Variants in GRM5 observed in about 807,000 individuals in gnomAD.
GRM5 encodes metabotropic glutamate receptor 5.
GRM5 carries 19 observed loss-of-function variants against 83.1 expected under a neutral mutation model. The observed-to-expected ratio is 0.23, with a 90% confidence interval of 0.16 to 0.34. The LOEUF is 0.34. Among genes scored for constraint, GRM5 ranks in the 10% least tolerant of loss-of-function variants. The pLI is 1.00. For missense variants in GRM5, 1,160 were observed against 1,588.3 expected, an observed-to-expected ratio of 0.73 and a Z score of 4.58; for synonymous variants, 675 against 633.6, an observed-to-expected ratio of 1.07 and a Z score of -0.98.
intron 3 of GRM5, among the ~76,000 whole-genome samples, chr11:88,805,734 T>A (rs1943488422): frequency 1.3e-5 from 2 of 152,184 alleles, no homozygotes; most frequent in South Asian, 2.1e-4. Context: ...CTTCCTTTTG[T>A]TCTCAGTGAT....
At chr11:88,536,709 AAC>A (rs1173751419) in intron 8 of GRM5, among the ~76,000 whole-genome samples, 5 of 152,166 alleles carry the variant, frequency 3.3e-5, no homozygotes, top group African/African-American at 1.2e-4. Context: ...ATCACCCAGA[AAC>A]ACAGTTTATA....
At chr11:88,801,658 G>T (rs1488702915) in intron 3 of GRM5, among the ~76,000 whole-genome samples, 3 of 152,056 alleles carry the variant, frequency 2.0e-5, no homozygotes, top group African/African-American at 7.2e-5. Flanking sequence ...GGACAATGTG[G>T]GAGGCATAGG....
At chr11:89,065,178 T>G (rs1325713336) in intron 1 of GRM5, among the ~76,000 whole-genome samples, 1 of 151,314 alleles carries the variant, frequency 6.6e-6, no homozygotes, top group Non-Finnish European at 1.5e-5. Flanking sequence ...CTTTTTGGGG[T>G]GAAGCACCAG....
chr11:88,565,187 C>T (rs1504096), intron 8 of GRM5, among the ~76,000 whole-genome samples: 3,793 of 152,300 alleles, frequency 0.025, 224 homozygotes, highest in Admixed American at 0.14. Flanking sequence ...TCTGCACCTG[C>T]TAAGTGATGC....
chr11:88,615,892 G>C (rs35307898), intron 4 of GRM5, among the ~76,000 whole-genome samples: 18,032 of 152,086 alleles, frequency 0.12, 1,420 homozygotes, highest in Non-Finnish European at 0.18. Flanking sequence ...ATGGCTGAAG[G>C]GGGTGAATAT....
At chr11:88,861,448 ATTAAG>A (rs1944560651) in intron 2 of GRM5, among the ~76,000 whole-genome samples, 1 of 136,708 alleles carries the variant, frequency 7.3e-6, no homozygotes, top group East Asian at 2.3e-4. Context: ...AATTCTCTAA[ATTAAG>A]TTTTTATTGT....
At chr11:88,994,448 TATATATATA>T (rs1565326508) in intron 2 of GRM5, among the ~76,000 whole-genome samples, 57 of 17,170 alleles carry the variant, frequency 3.3e-3, no homozygotes, top group East Asian at 0.021. Flanking sequence ...TAACTGATTA[TATATATATA>T]TATATATATA....
Position 88,832,869 on chromosome 11 carries a change from A to T in GRM5, c.911+17037T>A, listed in dbSNP as rs141046787. Among the ~76,000 whole-genome samples the T allele has an allele frequency of 4.5e-3, 683 of 151,968 alleles. 4 individuals carry two copies. The highest frequency in any genetic ancestry group is 0.016 in the African/African-American group (650 of 41,294). On this transcript the variant is annotated intron_variant, in intron 3 of 9. Transcript: ENST00000305447. ...TGTCAAGAATATTCAATGAGGAAAG[A>T]ACATCCTTTTCAATAAATAGTGCTG...
rs367638220 is a variant in GRM5 at position 88,895,123 on chromosome 11, T to C, written c.662-44968A>G. Among the ~76,000 whole-genome samples the C allele has an allele frequency of 3.9e-5, 6 of 152,046 alleles. No individual in the cohort carries two copies. In the East Asian group the frequency reaches 5.8e-4, roughly 15 times the overall value. On this transcript the variant is annotated intron_variant, in intron 2 of 9. Coordinates refer to ENST00000305447, the MANE Select transcript of GRM5 (RefSeq NM_001143831.3). Reference sequence around the variant, plus strand: ...GCAGACTGATAAATTGAGATATATATTGTAAGCCCTATTGAAACAATTAAG... The same window carrying C: ...GCAGACTGATAAATTGAGATATATACTGTAAGCCCTATTGAAACAATTAAG...
At chr11:88,695,470 GGC>G (rs1940879818) in intron 3 of GRM5, among the ~76,000 whole-genome samples, 1 of 152,134 alleles carries the variant, frequency 6.6e-6, no homozygotes, top group African/African-American at 2.4e-5. Context: ...TGCTTTGAAT[GGC>G]CTCAGGTCAG....
chr11:88,917,421 A>G (rs1945613785), intron 2 of GRM5, among the ~76,000 whole-genome samples: 1 of 152,184 alleles, frequency 6.6e-6, no homozygotes, highest in Non-Finnish European at 1.5e-5. Context: ...CTAGTTTTTC[A>G]ATGTCCAGAC....
rs185782452 is a variant in GRM5, at chr11:88,920,464, A to G, written c.662-70309T>C. On this transcript the variant is annotated intron_variant, in intron 2 of 9. Coordinates refer to ENST00000305447, the MANE Select transcript of GRM5 (RefSeq NM_001143831.3). The stretch of plus-strand genomic sequence containing the variant: ...AAAAACCTCAGGGCCCACTGGATTT[A>G]TTGCTAAATTCTACCAAACACTTAT... 8.9e-4 allele frequency among the ~76,000 whole-genome samples: 133 copies of G among 149,048 alleles called. 1 individual carries two copies. Among genetic ancestry groups the G allele is most frequent in the African/African-American group, 3.0e-3 (122 of 40,688 alleles).
chr11:88,536,437 G>C (rs1942136868), intron 8 of GRM5, among the ~76,000 whole-genome samples: 1 of 152,138 alleles, frequency 6.6e-6, no homozygotes, highest in Non-Finnish European at 1.5e-5. Flanking sequence ...AAATTTTGGA[G>C]CCAGTTTTTA....
intron 3 of GRM5, among the ~76,000 whole-genome samples, chr11:88,684,531 G>A (rs1940572208): frequency 1.3e-5 from 2 of 152,228 alleles, no homozygotes; most frequent in Admixed American, 6.5e-5. Flanking sequence ...AGCAAAGGGT[G>A]AGCTTAAGGT....
chr11:88,798,805 CAAAA>C (rs4002396), intron 3 of GRM5, among the ~76,000 whole-genome samples: 1 of 55,400 alleles, frequency 1.8e-5, no homozygotes, highest in Non-Finnish European at 3.2e-5. Context: ...ATGAAAACAC[CAAAA>C]AAAAAAAAAA....
chr11:88,852,577 A>C (rs1325380910), intron 2 of GRM5, among the ~76,000 whole-genome samples: 1 of 152,110 alleles, frequency 6.6e-6, no homozygotes, highest in East Asian at 1.9e-4. Context: ...TTATTTTCCC[A>C]GAGCAAATCC....
chr11:88,997,994 T>G (rs1940246879), intron 2 of GRM5, among the ~76,000 whole-genome samples: 1 of 150,236 alleles, frequency 6.7e-6, no homozygotes, highest in South Asian at 2.1e-4. Flanking sequence ...AAGAAAGTAT[T>G]CCCTGGTATG....
At chr11:88,899,338 C>A (rs1945282013) in intron 2 of GRM5, among the ~76,000 whole-genome samples, 1 of 151,748 alleles carries the variant, frequency 6.6e-6, no homozygotes, top group Non-Finnish European at 1.5e-5. Flanking sequence ...CTCATATACC[C>A]TGAGATAGGA....
chr11:88,586,318 A>G (rs191118782), intron 7 of GRM5, among the ~76,000 whole-genome samples: 47 of 152,306 alleles, frequency 3.1e-4, no homozygotes, highest in African/African-American at 9.9e-4. Context: ...TTTCTGAACA[A>G]TTGTTTAATT....
Sources: allele counts gnomAD v4.1 joint callset (sites outside exome capture counted in the v4.1 genomes callset), GRCh38; gene constraint gnomAD v4.1.1; transcripts MANE v1.5; gene names NCBI Gene and HGNC (gene_info 2026-07-23, HGNC 2026-07-21).